Variants in FXR1 observed in about 807,000 individuals in gnomAD.
FXR1 encodes the protein RNA-binding protein FXR1.
In FXR1, 15 loss-of-function variants were observed where a neutral mutation model predicts 84.0. The ratio of observed to expected loss-of-function variants is 0.18; its 90% CI spans 0.12 to 0.27. The LOEUF is 0.27. Among genes scored for constraint, FXR1 ranks in the 10% least tolerant of loss-of-function variants. FXR1 has a pLI of 1.00. For synonymous variants in FXR1, 245 were observed against 250.7 expected (o/e 0.98, Z 0.21); for missense variants, 480 against 774.4 (o/e 0.62, Z 4.51).
intron 1 of FXR1, among the ~76,000 whole-genome samples, chr3:180,932,062 A>T (rs1576917711): frequency 3.0e-5 from 2 of 66,306 alleles, no homozygotes; most frequent in South Asian, 6.3e-4. Context: ...TCTTCCATTT[A>T]CTTTGTAAGT....
intron 13 of FXR1, among the ~76,000 whole-genome samples, chr3:180,964,904 A>G (rs1051654230): frequency 6.6e-6 from 1 of 151,932 alleles, no homozygotes; most frequent in Non-Finnish European, 1.5e-5. Context: ...TGTTAAGCTT[A>G]GCACAACCAA....
intron 15 of FXR1, among the ~76,000 whole-genome samples, chr3:180,974,652 G>A (rs1217184734): frequency 1.3e-5 from 2 of 151,936 alleles, no homozygotes; most frequent in African/African-American, 4.8e-5. Flanking sequence ...GGTGTGGGAG[G>A]GGTGTCATTG....
chr3:180,943,826 A>C (rs930523773), intron 3 of FXR1, among the ~76,000 whole-genome samples: 1 of 152,320 alleles, frequency 6.6e-6, no homozygotes, highest in South Asian at 2.1e-4. Flanking sequence ...TTTTCAGCAA[A>C]TGAGGCTTGA....
At chr3:180,976,094 AG>A in intron 16 of FXR1, 27 bp from the exon 17 acceptor site, 2 of 1,562,688 alleles carry the variant, frequency 1.3e-6, no homozygotes, top group Non-Finnish European at 1.7e-6. Flanking sequence ...TTTATAAAGA[AG>A]TTGAAAAAGT....
Position 180,968,104 on chromosome 3 carries a change from G to A in FXR1, c.1252G>A (p.Glu418Lys), listed in dbSNP as rs900467633. 25 of 1,613,494 alleles carry A rather than the reference G, an allele frequency of 1.5e-5. No individual in the cohort carries two copies. The highest frequency in any genetic ancestry group is 1.9e-5 in the Non-Finnish European group (23 of 1,179,602). The change falls in exon 14 of 17, where the codon GAG becomes AAG. Residue 418 changes from glutamate (E) to lysine (K), a missense_variant. Physicochemically the swap from Glu to Lys is moderately conservative, Grantham distance 56. Transcript: ENST00000357559. Reference protein sequence around the residue: ...PSETESERKDELSDWSLAGED... With the variant: ...PSETESERKDKLSDWSLAGED... ...TGAAACGGAATCTGAGCGTAAAGAC[G>A]AGCTGAGTGATTGGTCATTGGCAGG... is the stretch of plus-strand genomic sequence containing the variant.
Position 180,957,867 on chromosome 3 carries a change from A to G in FXR1, c.929A>G (p.Lys310Arg). ...NGKVIQEIVD[K>R]SGVVRVRIEG... ...AAAGTTATTCAAGAAATAGTGGACA[A>G]ATCTGGTGTGGTTCGAGTGAGAATT... The change falls in exon 10 of 17, where the codon AAA becomes AGA. Residue 310 changes from lysine to arginine, a missense_variant. Coordinates refer to ENST00000357559, the MANE Select transcript of FXR1 (RefSeq NM_005087.4). The G allele has an allele frequency of 1.9e-6, 3 of 1,592,864 alleles. No individual in the cohort carries two copies. Among genetic ancestry groups the G allele is most frequent in the Non-Finnish European group, 2.6e-6 (3 of 1,164,366 alleles).
chr3:180,982,083 G>A lies in FXR1; in HGVS notation c.*5791G>A, dbSNP rs1714636684. On this transcript the variant is annotated 3_prime_UTR_variant, in exon 17 of 17. Transcript: ENST00000357559. ...AAGGCCATAGTACAAAAAGTTAAGA[G>A]AACGGAACTCAGGATCTGAGAAAGA... 6.6e-6 allele frequency: 1 copy of A among 152,054 alleles called. No homozygotes were observed. The highest frequency in any genetic ancestry group is 2.1e-4 in the South Asian group (1 of 4,818). The allele number at this position is 152,054 out of a possible 1,614,324, so 9.4% of individuals were successfully genotyped here. A position where few individuals can be genotyped will look rare whatever the true frequency, so the allele number is the denominator to read the frequency against.
intron 14 of FXR1, among the ~76,000 whole-genome samples, chr3:180,969,369 G>C (rs1408811346): frequency 6.6e-6 from 1 of 152,180 alleles, no homozygotes; most frequent in African/African-American, 2.4e-5. Flanking sequence ...GTTACCAAAG[G>C]AATCTTAGGA....
intron 15 of FXR1, chr3:180,971,281 A>G (rs1360256061): frequency 1.5e-5 from 3 of 193,662 alleles, no homozygotes. Context: ...TTTGCATTGC[A>G]TAAATTGTTT....
At position 180,939,627 on chromosome 3, in the gene FXR1, CAG is replaced by C. The variant is rs143816119; in HGVS notation, c.198+4399_198+4400del. On this transcript the variant is annotated intron_variant, in intron 3 of 16. Transcript: ENST00000357559. ...ATCATACTTTTTAAACAGATTATTT[CAG>C]AGTCACAAAACGGTTTGTGTCCTCT... Among the ~76,000 whole-genome samples the C allele has an allele frequency of 5.3e-3, 808 of 152,334 alleles. 13 individuals carry two copies. Among genetic ancestry groups the C allele is most frequent in the African/African-American group, 0.019 (772 of 41,568 alleles).
At chr3:180,930,496 G>C (rs988623395) in intron 1 of FXR1, among the ~76,000 whole-genome samples, 2 of 152,168 alleles carry the variant, frequency 1.3e-5, no homozygotes, top group Non-Finnish European at 2.9e-5. Context: ...AATCCACTAT[G>C]AATTATACAG....
intron 9 of FXR1, 26 bp downstream of exon 9, chr3:180,953,866 T>A (rs760353040): frequency 8.8e-7 from 1 of 1,130,856 alleles, no homozygotes; most frequent in South Asian, 1.3e-5. Flanking sequence ...AAATGTTAAA[T>A]AAGTTAATAA....
chr3:180,924,257 C>T (rs1254295055), intron 1 of FXR1, among the ~76,000 whole-genome samples: 1 of 151,962 alleles, frequency 6.6e-6, no homozygotes, highest in Non-Finnish European at 1.5e-5. Context: ...GCCTTCAGCC[C>T]GAGTTTCTTA....
chr3:180,941,518 T>G (rs1721117963), intron 3 of FXR1, among the ~76,000 whole-genome samples: 1 of 152,162 alleles, frequency 6.6e-6, no homozygotes, highest in Non-Finnish European at 1.5e-5. Context: ...TATACATGGA[T>G]TATTTACTCT....
chr3:180,926,128 T>TA (rs1424458320), intron 1 of FXR1, among the ~76,000 whole-genome samples: 1 of 152,034 alleles, frequency 6.6e-6, no homozygotes, highest in Non-Finnish European at 1.5e-5. Flanking sequence ...TGAGAAGGCA[T>TA]AAAAAAAGTA....
chr3:180,942,420 A>G (rs571733773), intron 3 of FXR1, among the ~76,000 whole-genome samples: 31 of 150,056 alleles, frequency 2.1e-4, no homozygotes, highest in African/African-American at 6.8e-4. Flanking sequence ...TAGGTTGAAC[A>G]TTATGAACTT....
chr3:180,956,969 A>G (rs768335336), intron 9 of FXR1, among the ~76,000 whole-genome samples: 4 of 152,188 alleles, frequency 2.6e-5, no homozygotes, highest in African/African-American at 9.7e-5. Context: ...CTTGATAACA[A>G]ATATGCTGTC....
intron 3 of FXR1, among the ~76,000 whole-genome samples, chr3:180,942,247 G>A (rs528498656): frequency 2.6e-5 from 4 of 151,936 alleles, no homozygotes; most frequent in South Asian, 2.1e-4. Flanking sequence ...GTGTGGTAGC[G>A]GGTGCCTGTA....
At chr3:180,974,723 T>C (rs1015098937) in intron 15 of FXR1, among the ~76,000 whole-genome samples, 4 of 152,134 alleles carry the variant, frequency 2.6e-5, no homozygotes, top group Non-Finnish European at 5.9e-5. Context: ...TGGTGGTCTG[T>C]CATCTTTAGT....
Sources: allele counts gnomAD v4.1 joint callset (sites outside exome capture counted in the v4.1 genomes callset), GRCh38; gene constraint gnomAD v4.1.1; transcripts MANE v1.5; gene names NCBI Gene and HGNC (gene_info 2026-07-23, HGNC 2026-07-21).